Variants in CCDC91 observed in about 807,000 individuals in gnomAD.
The protein encoded by CCDC91 is coiled-coil domain-containing protein 91.
CCDC91 carries 48 observed loss-of-function variants against 63.2 expected under a neutral mutation model. The ratio of observed to expected loss-of-function variants is 0.76; its 90% CI spans 0.60 to 0.97. The LOEUF (loss-of-function observed/expected upper bound fraction) is 0.97, where lower values mean the gene tolerates loss of function less well. Ranked by LOEUF, CCDC91 falls within the 50% of genes least tolerant of loss-of-function variation. The pLI, the probability that CCDC91 is intolerant of heterozygous loss-of-function variation, is 0.00. For synonymous variants in CCDC91, 167 were observed against 165.8 expected (o/e 1.01, Z -0.06); for missense variants, 500 against 494.6 (o/e 1.01, Z -0.10).
rs149920591 is a variant in CCDC91 at position 28,391,207 on chromosome 12, G to T, written c.655-97G>T. On this transcript the variant is annotated intron_variant, in intron 7 of 12. Coordinates refer to ENST00000536442, the MANE Select transcript of CCDC91 (RefSeq NM_018318.5). ...ATATTTTGTAATTTAGGAGAATATC[G>T]TATTACAGTATGTACAACTGTCAAA... The T allele has an allele frequency of 2.6e-4, 169 of 643,144 alleles. 3 individuals are homozygous for T. In the Admixed American group the frequency reaches 4.2e-3, roughly 16 times the overall value. The allele number at this position is 643,144 out of a possible 1,614,324, so 39.8% of individuals were successfully genotyped here.
At chr12:28,201,370 A>C (rs778300638) in intron 1 of CCDC91, among the ~76,000 whole-genome samples, 18,490 of 119,078 alleles carry the variant, frequency 0.16, 1,898 homozygotes, top group Non-Finnish European at 0.23. Context: ...CAGGTAGAGG[A>C]GCTCCTCACA....
intron 12 of CCDC91, among the ~76,000 whole-genome samples, chr12:28,490,425 A>G (rs931923146): frequency 1.3e-5 from 2 of 151,928 alleles, no homozygotes; most frequent in African/African-American, 4.8e-5. Context: ...TACATAAGCT[A>G]TATTGTAATT....
intron 12 of CCDC91, among the ~76,000 whole-genome samples, chr12:28,536,625 A>AAG (rs1942199459): frequency 6.6e-6 from 1 of 152,132 alleles, no homozygotes; most frequent in Non-Finnish European, 1.5e-5. Context: ...AATACTGCCT[A>AAG]CTTAATTTAT....
chr12:28,256,330 A>T (rs1364538602), intron 1 of CCDC91, among the ~76,000 whole-genome samples: 1 of 152,140 alleles, frequency 6.6e-6, no homozygotes, highest in African/African-American at 2.4e-5. Flanking sequence ...AACAATCTAT[A>T]TGAGAACTTA....
At chr12:28,293,160 T>C (rs542205321) in intron 3 of CCDC91, among the ~76,000 whole-genome samples, 9 of 152,214 alleles carry the variant, frequency 5.9e-5, no homozygotes, top group Non-Finnish European at 1.3e-4. Context: ...GGCATATAGA[T>C]AGAAAATAGA....
chr12:28,401,313 A>G (rs963734125), intron 8 of CCDC91, among the ~76,000 whole-genome samples: 65 of 152,192 alleles, frequency 4.3e-4, no homozygotes, highest in Non-Finnish European at 1.5e-4. Context: ...AGAAGTGCCA[A>G]GAAAAAGTGG....
At chr12:28,248,030 A>G (rs1393590242) in intron 1 of CCDC91, among the ~76,000 whole-genome samples, 1 of 152,186 alleles carries the variant, frequency 6.6e-6, no homozygotes, top group Non-Finnish European at 1.5e-5. Flanking sequence ...GGTTCCTAAC[A>G]GGCCAAGGAC....
At chr12:28,265,997 T>C (rs1947160231) in intron 3 of CCDC91, among the ~76,000 whole-genome samples, 1 of 152,046 alleles carries the variant, frequency 6.6e-6, no homozygotes, top group African/African-American at 2.4e-5. Flanking sequence ...TTGTCACATA[T>C]CTTCTTTTTG....
chr12:28,194,418 C>CT (rs916039832), intron 1 of CCDC91, among the ~76,000 whole-genome samples: 3 of 152,170 alleles, frequency 2.0e-5, no homozygotes, highest in African/African-American at 7.2e-5. Context: ...TGTTACAGTT[C>CT]TTGAAGATGG....
At chr12:28,432,110 A>G (rs1278805280) in intron 8 of CCDC91, among the ~76,000 whole-genome samples, 1 of 151,958 alleles carries the variant, frequency 6.6e-6, no homozygotes, top group Non-Finnish European at 1.5e-5. Flanking sequence ...AAGTTCCAAG[A>G]TACATGTGCA....
intron 12 of CCDC91, among the ~76,000 whole-genome samples, chr12:28,525,333 T>A (rs1473466879): frequency 6.6e-6 from 1 of 152,140 alleles, no homozygotes; most frequent in East Asian, 1.9e-4. Flanking sequence ...AGTTTTTAAT[T>A]TCCATCATGA....
chr12:28,407,865 GT>G (rs1261899505), intron 8 of CCDC91, among the ~76,000 whole-genome samples: 1 of 151,326 alleles, frequency 6.6e-6, no homozygotes, highest in Non-Finnish European at 1.5e-5. Flanking sequence ...AACTTTTATA[GT>G]TTTTAGTTTT....
intron 1 of CCDC91, among the ~76,000 whole-genome samples, chr12:28,220,922 TA>T (rs1332955735): frequency 1.3e-5 from 2 of 152,116 alleles, no homozygotes; most frequent in Admixed American, 6.5e-5. Context: ...ATGATTTCTT[TA>T]TGTTTGTTCT....
chr12:28,375,309 T>C (rs1944878235), intron 7 of CCDC91, among the ~76,000 whole-genome samples: 1 of 151,944 alleles, frequency 6.6e-6, no homozygotes, highest in Non-Finnish European at 1.5e-5. Context: ...ACATGTCAGA[T>C]TTTTTTAGTG....
chr12:28,539,500 G>C (rs1287694524), intron 12 of CCDC91, among the ~76,000 whole-genome samples: 3 of 152,104 alleles, frequency 2.0e-5, no homozygotes, highest in African/African-American at 7.2e-5. Context: ...TGCTGTTTTG[G>C]TTACTGTAGC....
At chr12:28,409,977 T>C (rs1469832677) in intron 8 of CCDC91, among the ~76,000 whole-genome samples, 1 of 152,188 alleles carries the variant, frequency 6.6e-6, no homozygotes, top group Non-Finnish European at 1.5e-5. Context: ...AAGCATCCCT[T>C]GTCTACTTGA....
chr12:28,343,988 G>A (rs1175977016), intron 6 of CCDC91, among the ~76,000 whole-genome samples: 2 of 152,058 alleles, frequency 1.3e-5, no homozygotes, highest in Admixed American at 1.3e-4. Context: ...TCTGAAAGAT[G>A]TGATTCATAT....
chr12:28,361,525 T>C (rs1943884891), intron 6 of CCDC91, among the ~76,000 whole-genome samples: 1 of 152,128 alleles, frequency 6.6e-6, no homozygotes, highest in Non-Finnish European at 1.5e-5. Context: ...TTTTAAAAGA[T>C]TTTTAAAAAT....
intron 12 of CCDC91, among the ~76,000 whole-genome samples, chr12:28,536,178 T>C (rs915926967): frequency 4.9e-5 from 7 of 142,842 alleles, no homozygotes; most frequent in Non-Finnish European, 1.1e-4. Flanking sequence ...TCAAATATAG[T>C]AGGCCAGTGT....
Sources: gnomAD v4.1 joint callset for allele counts (sites outside exome capture counted in the v4.1 genomes callset) on GRCh38, gnomAD v4.1.1 for gene constraint, MANE v1.5 for transcripts, NCBI Gene and HGNC (gene_info 2026-07-23, HGNC 2026-07-21) for gene names.